Variants in DUSP4 observed in about 807,000 individuals in gnomAD.
The protein encoded by DUSP4 is dual specificity protein phosphatase 4.
A neutral mutation model predicts 27.2 loss-of-function variants in DUSP4; 12 were observed. The observed-to-expected ratio is 0.44, with a 90% CI of 0.28 to 0.71. DUSP4 has a LOEUF of 0.71. DUSP4 is among the 30% of genes least tolerant of loss of function. The pLI, the probability that DUSP4 is intolerant of heterozygous loss-of-function variation, is 0.14. For synonymous variants in DUSP4, 257 were observed against 245.2 expected (o/e 1.05, Z -0.45); for missense variants, 448 against 551.3 (o/e 0.81, Z 1.88).
intron 1 of DUSP4, among the ~76,000 whole-genome samples, chr8:29,341,031 C>G (rs1817649747): frequency 6.6e-6 from 1 of 152,208 alleles, no homozygotes; most frequent in Non-Finnish European, 1.5e-5. Flanking sequence ...GGAGAGGCCA[C>G]AGGGAGGCCA....
At chr8:29,340,315 T>C in intron 1 of DUSP4, 72 bp from the exon 2 acceptor site, 4 of 1,517,520 alleles carry the variant, frequency 2.6e-6, no homozygotes, top group Non-Finnish European at 2.6e-6. Flanking sequence ...ACTCGACTCC[T>C]ACAGACTCAG....
rs1261482986 is a variant in DUSP4 at position 29,350,031 on chromosome 8, A to G, written c.248T>C (p.Leu83Pro). The G allele has an allele frequency of 6.3e-7, 1 of 1,594,660 alleles. No individual in the cohort carries two copies. Residue 83 changes from leucine to proline, a missense_variant, in exon 1 of 4, where the codon CTG becomes CCG. By Grantham distance (98) the Leu-to-Pro change is moderately conservative (BLOSUM62 -3). This residue lies in a region of DUSP4 where 345 missense variants were observed against 394.0 expected (regional missense o/e 0.88). Coordinates refer to ENST00000240100, the MANE Select transcript of DUSP4 (RefSeq NM_001394.7). Reference sequence around the variant, plus strand: ...CTCCTCGGCGGGCAGGATCTGCTCCAGGCTCACGGAGCCCTTAGCCCGCCG... The same window carrying G: ...CTCCTCGGCGGGCAGGATCTGCTCCGGGCTCACGGAGCCCTTAGCCCGCCG... ...VRRRAKGSVS[L>P]EQILPAEEEV...
rs111743949 is a variant in DUSP4 at position 29,337,877 on chromosome 8, A to G, written c.799+405T>C. On this transcript the variant is annotated intron_variant, in intron 3 of 3. Coordinates refer to ENST00000240100, the MANE Select transcript of DUSP4 (RefSeq NM_001394.7). This position sits in a 1 kb window ranked among gnomAD's most constrained non-coding sequence, Gnocchi z 6.4. ...GAGGCAGGAGAATCACTTGCACCCCAGAAGCGGAGGTTGCAGTGAGCTGAG... is the reference window on the plus strand; with the variant it reads ...GAGGCAGGAGAATCACTTGCACCCCGGAAGCGGAGGTTGCAGTGAGCTGAG... Among the ~76,000 whole-genome samples, 10,531 of 152,174 alleles carry G rather than the reference A, an allele frequency of 0.069. 482 individuals carry two copies. Among genetic ancestry groups the G allele is most frequent in the African/African-American group, 0.12 (5,116 of 41,498 alleles).
At position 29,350,571 on chromosome 8, in the gene DUSP4, C is replaced by G. The variant is rs1366541301; in HGVS notation, c.-293G>C. The G allele has an allele frequency of 2.6e-6, 1 of 378,116 alleles. No homozygotes were observed. Among genetic ancestry groups the G allele is most frequent in the African/African-American group, 2.1e-5 (1 of 47,584 alleles). The allele number at this position is 378,116 out of a possible 1,614,324, so 23.4% of individuals were successfully genotyped here. ...TGTTTACGAGAGAGGACCGCGGACT[C>G]TTTTCGGCGACGGCCTCCCGTGTAT... On this transcript the variant is annotated 5_prime_UTR_variant, in exon 1 of 4. Transcript: ENST00000240100.
intron 1 of DUSP4, among the ~76,000 whole-genome samples, chr8:29,349,002 C>A (rs2117278625): frequency 6.6e-6 from 1 of 152,314 alleles, no homozygotes; most frequent in South Asian, 2.1e-4. Flanking sequence ...GGACAGCACG[C>A]GATTTTTCCA....
chr8:29,344,610 T>C (rs889364258), intron 1 of DUSP4, among the ~76,000 whole-genome samples: 3 of 152,186 alleles, frequency 2.0e-5, no homozygotes, highest in African/African-American at 7.2e-5. Context: ...GCCTCCTCCT[T>C]CTCACATCCT....
intron 1 of DUSP4, 59 bp downstream of exon 1, chr8:29,349,787 G>A: frequency 7.0e-7 from 1 of 1,431,062 alleles, no homozygotes; most frequent in Non-Finnish European, 9.1e-7. Context: ...ATAAGGCGCA[G>A]GCCGCCAAGA....
chr8:29,345,851 T>C (rs1378011747), intron 1 of DUSP4: 2 of 1,064,672 alleles, frequency 1.9e-6, no homozygotes, highest in Non-Finnish European at 2.3e-6. Context: ...TTTGCTTCAT[T>C]GTAAAAAATC....
chr8:29,350,281 T>C lies in DUSP4; in HGVS notation c.-3A>G. On this transcript the variant is annotated 5_prime_UTR_variant, in exon 1 of 4. Transcript: ENST00000240100. Reference sequence around the variant, plus strand: ...CGCAGCTCCTCCATCGTCACCATGGTCGCCGGGAACCGAGGCGGCTGGGCG... The same window carrying C: ...CGCAGCTCCTCCATCGTCACCATGGCCGCCGGGAACCGAGGCGGCTGGGCG... 1 of 1,569,494 alleles carries C rather than the reference T, an allele frequency of 6.4e-7. No individual in the cohort carries two copies. The highest frequency in any genetic ancestry group is 8.6e-7 in the Non-Finnish European group (1 of 1,156,910).
At chr8:29,339,140 G>A (rs564929124) in intron 2 of DUSP4, among the ~76,000 whole-genome samples, 7 of 152,212 alleles carry the variant, frequency 4.6e-5, no homozygotes, top group Admixed American at 6.5e-5. Context: ...CTATGATTGC[G>A]CCACAGGACT....
Position 29,335,995 on chromosome 8 carries a change from C to G in DUSP4, c.*1031G>C, listed in dbSNP as rs1480655269. 1.3e-5 allele frequency: 2 copies of G among 152,206 alleles called. No homozygotes were observed. The highest frequency in any genetic ancestry group is 4.8e-5 in the African/African-American group (2 of 41,450). The allele number at this position is 152,206 out of a possible 1,614,324, so 9.4% of individuals were successfully genotyped here. On this transcript the variant is annotated 3_prime_UTR_variant, in exon 4 of 4. Coordinates refer to ENST00000240100, the MANE Select transcript of DUSP4 (RefSeq NM_001394.7). ...GTCATGATGACACACACCTGCAGTC[C>G]CAGCTACTCAGGAGGCCGAGGTGGG...
intron 1 of DUSP4, among the ~76,000 whole-genome samples, chr8:29,342,335 C>T (rs779585742): frequency 2.5e-4 from 38 of 152,290 alleles, no homozygotes; most frequent in African/African-American, 6.0e-4. Flanking sequence ...GCCTCCTCCT[C>T]GTCTGTAAGT....
In DUSP4 at chr8:29,336,335, A is replaced by G. The variant is rs1817572556; in HGVS notation, c.*691T>C. Reference sequence around the variant, plus strand: ...TCATGCTACCTTGCACATATCTACAAGACACCATTTACTTCCTAACTGCCT... The same window carrying G: ...TCATGCTACCTTGCACATATCTACAGGACACCATTTACTTCCTAACTGCCT... On this transcript the variant is annotated 3_prime_UTR_variant, in exon 4 of 4. Transcript: ENST00000240100. 6.6e-6 allele frequency: 1 copy of G among 152,192 alleles called. No individual in the cohort carries two copies. Among genetic ancestry groups the G allele is most frequent in the African/African-American group, 2.4e-5 (1 of 41,416 alleles). The allele number at this position is 152,192 out of a possible 1,614,324, so 9.4% of individuals were successfully genotyped here. A position where few individuals can be genotyped will look rare whatever the true frequency, so the allele number is the denominator to read the frequency against.
At chr8:29,339,839 C>G (rs936899594) in intron 2 of DUSP4, among the ~76,000 whole-genome samples, 6 of 139,384 alleles carry the variant, frequency 4.3e-5, no homozygotes, top group African/African-American at 1.6e-4. Flanking sequence ...CCCCCCCCCC[C>G]CATCTCTACC....
chr8:29,338,810 C>T (rs1473567652), intron 2 of DUSP4, among the ~76,000 whole-genome samples: 2 of 152,242 alleles, frequency 1.3e-5, no homozygotes, highest in Non-Finnish European at 2.9e-5. Flanking sequence ...CTTATGGCAC[C>T]ATCTGTGACA....
Position 29,336,558 on chromosome 8 carries a change from T to C in DUSP4, c.*468A>G, listed in dbSNP as rs755318741. On this transcript the variant is annotated 3_prime_UTR_variant, in exon 4 of 4. Transcript: ENST00000240100. ...CGAAGATTTCTTTTAAAAAATGAAATTCCTTTAACTACAACAACGACAACA... is the reference window on the plus strand; with the variant it reads ...CGAAGATTTCTTTTAAAAAATGAAACTCCTTTAACTACAACAACGACAACA... The C allele has an allele frequency of 4.5e-5, 7 of 154,284 alleles. No individual in the cohort carries two copies. The highest frequency in any genetic ancestry group is 1.0e-4 in the Non-Finnish European group (7 of 69,490). 9.6% of individuals were successfully genotyped at this position (154,284 alleles called of 1,614,324 possible). A position where few individuals can be genotyped will look rare whatever the true frequency, so the allele number is the denominator to read the frequency against.
chr8:29,338,226 C>T lies in DUSP4; in HGVS notation c.799+56G>A, dbSNP rs969650848. On this transcript the variant is annotated intron_variant, in intron 3 of 3. Coordinates refer to ENST00000240100, the MANE Select transcript of DUSP4 (RefSeq NM_001394.7). ...CCTTCAACCCAGGCTTACAGGGGTT[C>T]CTTATCCTTCCCACCCGCCCTCAAA... 4 of 1,572,910 alleles carry T rather than the reference C, an allele frequency of 2.5e-6. No individual in the cohort carries two copies. In the African/African-American group the frequency reaches 5.4e-5, roughly 21 times the overall value.
rs1392031442 is a variant in DUSP4, at chr8:29,350,603, C to T, written c.-325G>A. The T allele has an allele frequency of 6.7e-6, 2 of 298,120 alleles. No homozygotes were observed. Among genetic ancestry groups the T allele is most frequent in the Non-Finnish European group, 1.2e-5 (2 of 162,598 alleles). 18.5% of individuals were successfully genotyped at this position (298,120 alleles called of 1,614,324 possible). A position where few individuals can be genotyped will look rare whatever the true frequency, so the allele number is the denominator to read the frequency against. On this transcript the variant is annotated 5_prime_UTR_variant, in exon 1 of 4. Coordinates refer to ENST00000240100, the MANE Select transcript of DUSP4 (RefSeq NM_001394.7). ...GCGACGGCCTCCCGTGTATTTTTGC[C>T]GGTCGCGCGGCTCCTGTCGCCACTG...
At chr8:29,338,637 C>T in intron 2 of DUSP4, 136 bp from the exon 3 acceptor site, 1 of 969,574 alleles carries the variant, frequency 1.0e-6, no homozygotes, top group East Asian at 2.6e-5. Context: ...CCCTCCCAGC[C>T]TCCCCCTGTA....
Sources: gnomAD v4.1 joint callset for allele counts (sites outside exome capture counted in the v4.1 genomes callset) on GRCh38, gnomAD v4.1.1 for gene constraint, gnomAD v4.1.1 regional missense constraint, Gnocchi (gnomAD v3.1) non-coding constraint, MANE v1.5 for transcripts, NCBI Gene and HGNC (gene_info 2026-07-23, HGNC 2026-07-21) for gene names.